Variants in TRAPPC10 observed in about 807,000 individuals in gnomAD.
The protein encoded by TRAPPC10 is TRAPP 130 kDa subunit.
In TRAPPC10, 23 loss-of-function variants were observed where a neutral mutation model predicts 125.5. The observed-to-expected ratio is 0.18, with a 90% CI of 0.13 to 0.26. TRAPPC10 has a LOEUF of 0.26. Ranked by LOEUF, TRAPPC10 falls within the 10% of genes least tolerant of loss-of-function variation. TRAPPC10 has a pLI of 1.00. For missense variants in TRAPPC10, 1,123 were observed against 1,308.4 expected (o/e 0.86, Z 2.19); for synonymous variants, 509 against 518.0 (o/e 0.98, Z 0.24).
intron 1 of TRAPPC10, among the ~76,000 whole-genome samples, chr21:44,020,348 G>C (rs988657763): frequency 6.6e-6 from 1 of 151,928 alleles, no homozygotes; most frequent in African/African-American, 2.4e-5. Flanking sequence ...GGATGGTCTC[G>C]ATCTCCTGAC....
chr21:44,060,741 C>T (rs2035974417), intron 6 of TRAPPC10, among the ~76,000 whole-genome samples: 1 of 151,560 alleles, frequency 6.6e-6, no homozygotes, highest in Non-Finnish European at 1.5e-5. Flanking sequence ...GCTGGGATTA[C>T]AGGTGCATGC....
intron 1 of TRAPPC10, among the ~76,000 whole-genome samples, chr21:44,031,592 T>C (rs1160039071): frequency 2.0e-5 from 3 of 152,256 alleles, no homozygotes; most frequent in Non-Finnish European, 4.4e-5. Flanking sequence ...GAAGACAGAA[T>C]GAGAGGGTGC....
At chr21:44,048,659 A>G (rs572008765) in intron 3 of TRAPPC10, among the ~76,000 whole-genome samples, 5 of 151,818 alleles carry the variant, frequency 3.3e-5, no homozygotes, top group Non-Finnish European at 7.4e-5. Flanking sequence ...ATGCCCAGCT[A>G]ATTTTTGCAT....
chr21:44,059,356 C>A lies in TRAPPC10; in HGVS notation c.790+142C>A. Reference sequence around the variant, plus strand: ...TTATACACATTATATCGGATATATTCTCGTGATTCCTAGAGGAAATGAAAT... The same window carrying A: ...TTATACACATTATATCGGATATATTATCGTGATTCCTAGAGGAAATGAAAT... On this transcript the variant is annotated intron_variant, in intron 6 of 22. Coordinates refer to ENST00000291574, the MANE Select transcript of TRAPPC10 (RefSeq NM_003274.5). This position sits in a 1 kb window ranked among gnomAD's most constrained non-coding sequence, Gnocchi z 4.4. 1 of 690,590 alleles carries A rather than the reference C, an allele frequency of 1.4e-6. No homozygotes were observed. The highest frequency in any genetic ancestry group is 1.7e-5 in the South Asian group (1 of 60,176). The allele number at this position is 690,590 out of a possible 1,614,324, so 42.8% of individuals were successfully genotyped here.
At chr21:44,015,577 G>T (rs1181065994) in intron 1 of TRAPPC10, among the ~76,000 whole-genome samples, 1 of 150,960 alleles carries the variant, frequency 6.6e-6, no homozygotes, top group African/African-American at 2.4e-5. Context: ...CACCTGGCCT[G>T]AATTATTTTA....
Position 44,055,593 on chromosome 21 carries a change from A to AG in TRAPPC10, c.483-103dup, listed in dbSNP as rs35569697. The AG allele has an allele frequency of 8.7e-6, 7 of 802,670 alleles. No homozygotes were observed. In the African/African-American group the frequency reaches 8.9e-5, roughly 10 times the overall value. The allele number at this position is 802,670 out of a possible 1,614,324, so 49.7% of individuals were successfully genotyped here. On this transcript the variant is annotated intron_variant, in intron 4 of 22. Coordinates refer to ENST00000291574, the MANE Select transcript of TRAPPC10 (RefSeq NM_003274.5). ...ACTCTGTCTCAAAAAAAAAAAAAAA[A>AG]GGAGGAGGAAGGAAGAAAATTGCCG...
intron 4 of TRAPPC10, among the ~76,000 whole-genome samples, chr21:44,053,685 G>A (rs1279342856): frequency 1.3e-5 from 2 of 152,212 alleles, no homozygotes; most frequent in African/African-American, 2.4e-5. Flanking sequence ...GTGATCAGCA[G>A]TGTGACTTGT....
At chr21:44,039,086 G>A (rs1408577779) in intron 3 of TRAPPC10, among the ~76,000 whole-genome samples, 3 of 152,208 alleles carry the variant, frequency 2.0e-5, no homozygotes, top group Non-Finnish European at 4.4e-5. Context: ...GGAGTTGTCC[G>A]GTTCCTCCCT....
chr21:44,044,019 A>G (rs533059575), intron 3 of TRAPPC10, among the ~76,000 whole-genome samples: 1 of 152,326 alleles, frequency 6.6e-6, no homozygotes, highest in South Asian at 2.1e-4. Flanking sequence ...AAAGTTTTAC[A>G]CCACTATAGC....
intron 9 of TRAPPC10, among the ~76,000 whole-genome samples, chr21:44,075,947 G>T (rs902655128): frequency 6.6e-6 from 1 of 152,138 alleles, no homozygotes; most frequent in African/African-American, 2.4e-5. Context: ...TATTCGGGAG[G>T]CTGAGGCAGG....
At chr21:44,062,809 G>C (rs2036157566) in intron 6 of TRAPPC10, 2 of 985,344 alleles carry the variant, frequency 2.0e-6, no homozygotes, top group Admixed American at 1.2e-4. Context: ...ACCATGCCAG[G>C]ATGCCACGTA....
intron 1 of TRAPPC10, among the ~76,000 whole-genome samples, chr21:44,026,155 A>C (rs1215980733): frequency 6.6e-6 from 1 of 151,988 alleles, no homozygotes; most frequent in Non-Finnish European, 1.5e-5. Context: ...CTACCTAGAG[A>C]ATCTGGATAA....
At chr21:44,078,230 A>G (rs1052093365) in intron 11 of TRAPPC10, among the ~76,000 whole-genome samples, 1 of 152,154 alleles carries the variant, frequency 6.6e-6, no homozygotes, top group Non-Finnish European at 1.5e-5. Context: ...GATGACTGGA[A>G]GAAGGTGTGT....
intron 7 of TRAPPC10, among the ~76,000 whole-genome samples, chr21:44,067,868 T>C (rs982255241): frequency 1.3e-5 from 2 of 151,964 alleles, no homozygotes; most frequent in African/African-American, 2.4e-5. Flanking sequence ...AAGCCTGTAA[T>C]CCTGGCACTT....
intron 3 of TRAPPC10, among the ~76,000 whole-genome samples, chr21:44,042,460 G>T (rs1038075061): frequency 5.9e-5 from 9 of 151,974 alleles, no homozygotes; most frequent in African/African-American, 2.2e-4. Flanking sequence ...GAAATTTCTA[G>T]CTTTATTGCA....
chr21:44,090,193 C>G (rs556761175), intron 18 of TRAPPC10, among the ~76,000 whole-genome samples: 2 of 152,246 alleles, frequency 1.3e-5, no homozygotes, highest in Admixed American at 1.3e-4. Flanking sequence ...CATCAGACCA[C>G]TAGATCTCTG....
chr21:44,059,223 T>C lies in TRAPPC10; in HGVS notation c.790+9T>C, dbSNP rs764283783. The C allele has an allele frequency of 6.3e-7, 1 of 1,586,118 alleles. No homozygotes were observed. The highest frequency in any genetic ancestry group is 8.6e-7 in the Non-Finnish European group (1 of 1,166,242). On this transcript the variant is annotated intron_variant, in intron 6 of 22. Coordinates refer to ENST00000291574, the MANE Select transcript of TRAPPC10 (RefSeq NM_003274.5). This position sits in a 1 kb window ranked among gnomAD's most constrained non-coding sequence, Gnocchi z 4.4. The stretch of plus-strand genomic sequence containing the variant: ...CAACTTCGGGGCCGGGGGTGAGTAG[T>C]GGCACTTCAGTAACGCATGCTTTTC...
chr21:44,080,001 C>T lies in TRAPPC10; in HGVS notation c.1611-14C>T. Reference sequence around the variant, plus strand: ...AGTATGAGCCTCTCCACGCTCCTTACCTCTCCGCTCCAGCTACCTGCAGAC... The same window carrying T: ...AGTATGAGCCTCTCCACGCTCCTTATCTCTCCGCTCCAGCTACCTGCAGAC... On this transcript the variant is annotated splice_polypyrimidine_tract_variant and intron_variant, in intron 12 of 22. Coordinates refer to ENST00000291574, the MANE Select transcript of TRAPPC10 (RefSeq NM_003274.5). The T allele has an allele frequency of 1.2e-6, 2 of 1,611,450 alleles. No homozygotes were observed. The highest frequency in any genetic ancestry group is 1.7e-6 in the Non-Finnish European group (2 of 1,177,788).
In TRAPPC10 at chr21:44,059,543, G is replaced by C. The variant is rs1298345137; in HGVS notation, c.790+329G>C. 2.7e-6 allele frequency: 2 copies of C among 731,534 alleles called. No homozygotes were observed. Among genetic ancestry groups the C allele is most frequent in the South Asian group, 2.9e-5 (2 of 67,948 alleles). 45.3% of individuals were successfully genotyped at this position (731,534 alleles called of 1,614,324 possible). ...GTCCCTCGTTAGAATCAGAGTGGAC[G>C]TCCCTTTGCCTTCCATCCAGGGGTT... On this transcript the variant is annotated intron_variant, in intron 6 of 22. Coordinates refer to ENST00000291574, the MANE Select transcript of TRAPPC10 (RefSeq NM_003274.5). This position sits in a 1 kb window ranked among gnomAD's most constrained non-coding sequence, Gnocchi z 4.4.
Sources: gnomAD v4.1 joint callset for allele counts (sites outside exome capture counted in the v4.1 genomes callset) on GRCh38, gnomAD v4.1.1 for gene constraint, Gnocchi (gnomAD v3.1) non-coding constraint, MANE v1.5 for transcripts, NCBI Gene and HGNC (gene_info 2026-07-23, HGNC 2026-07-21) for gene names.